LAMA2: variants seen among roughly 807,000 people sequenced by gnomAD.
LAMA2 encodes the protein laminin subunit alpha-2.
LAMA2 carries 269 observed loss-of-function variants against 364.8 expected under a neutral mutation model. The observed-to-expected ratio is 0.74, with a 90% CI of 0.67 to 0.82. The LOEUF is 0.82. LAMA2 is among the 40% of genes least tolerant of loss of function. The pLI, the probability that LAMA2 is intolerant of heterozygous loss-of-function variation, is 0.00. For synonymous variants in LAMA2, 1,379 were observed against 1,370.6 expected (o/e 1.01, Z -0.14); for missense variants, 3,807 against 3,873.2 (o/e 0.98, Z 0.45).
intron 14 of LAMA2, among the ~76,000 whole-genome samples, chr6:129,254,415 C>T (rs889294966): frequency 6.6e-6 from 1 of 152,204 alleles, no homozygotes; most frequent in Admixed American, 6.5e-5. Flanking sequence ...AGGAGGAGGA[C>T]AATTGCTCTG....
At chr6:129,341,385 A>G (rs970303761) in intron 29 of LAMA2, among the ~76,000 whole-genome samples, 26 of 152,288 alleles carry the variant, frequency 1.7e-4, no homozygotes, top group African/African-American at 5.5e-4. Flanking sequence ...GTAAGTCACT[A>G]TTTTGACCAC....
At chr6:129,441,729 T>G (rs577293476) in intron 43 of LAMA2, among the ~76,000 whole-genome samples, 99 of 152,230 alleles carry the variant, frequency 6.5e-4, no homozygotes, top group African/African-American at 2.3e-3. Flanking sequence ...CTGTAATCTT[T>G]GCACTTTGGG....
At chr6:129,166,716 G>C (rs1562292497) in intron 9 of LAMA2, among the ~76,000 whole-genome samples, 1 of 152,070 alleles carries the variant, frequency 6.6e-6, no homozygotes, top group East Asian at 1.9e-4. Flanking sequence ...AAATGGAAAA[G>C]TAGAAAAATA....
intron 41 of LAMA2, among the ~76,000 whole-genome samples, chr6:129,435,044 G>T (rs148297552): frequency 1.3e-5 from 2 of 152,044 alleles, no homozygotes; most frequent in African/African-American, 4.8e-5. Flanking sequence ...TTTGGAACTT[G>T]AGAGGCAGCA....
At chr6:129,255,032 A>T (rs974514522) in intron 14 of LAMA2, among the ~76,000 whole-genome samples, 1 of 146,788 alleles carries the variant, frequency 6.8e-6, no homozygotes, top group Admixed American at 6.6e-5. Context: ...GGTAGAAATG[A>T]TGTATTTTTT....
chr6:129,192,049 G>C (rs1481317304), intron 11 of LAMA2, among the ~76,000 whole-genome samples: 1 of 152,164 alleles, frequency 6.6e-6, no homozygotes, highest in African/African-American at 2.4e-5. Context: ...CAGCACTTCT[G>C]ACCCTATCTG....
At chr6:129,088,803 C>T (rs560083155) in intron 3 of LAMA2, among the ~76,000 whole-genome samples, 1 of 151,516 alleles carries the variant, frequency 6.6e-6, no homozygotes, top group East Asian at 2.0e-4. Flanking sequence ...GATGGCGGTC[C>T]GGAAGAGGCA....
chr6:129,466,561 T>G (rs1441229487), intron 51 of LAMA2, among the ~76,000 whole-genome samples: 1 of 151,962 alleles, frequency 6.6e-6, no homozygotes. Flanking sequence ...ATTGTTCCTG[T>G]GTAAGAGAGG....
intron 12 of LAMA2, among the ~76,000 whole-genome samples, chr6:129,237,699 A>C (rs1254631738): frequency 6.6e-6 from 1 of 152,154 alleles, no homozygotes; most frequent in African/African-American, 2.4e-5. Flanking sequence ...TGAAACTGCT[A>C]TGTCAAAGTA....
intron 45 of LAMA2, among the ~76,000 whole-genome samples, chr6:129,447,521 A>G (rs1782449572): frequency 6.6e-6 from 1 of 152,224 alleles, no homozygotes; most frequent in African/African-American, 2.4e-5. Flanking sequence ...CATAACCAGA[A>G]AGATCAACAG....
intron 22 of LAMA2, among the ~76,000 whole-genome samples, chr6:129,310,318 G>A (rs1162878678): frequency 6.6e-6 from 1 of 152,198 alleles, no homozygotes; most frequent in Non-Finnish European, 1.5e-5. Context: ...ACTACTGTTA[G>A]CAGGAACAGA....
intron 1 of LAMA2, among the ~76,000 whole-genome samples, chr6:128,930,186 G>A (rs761615150): frequency 1.7e-4 from 26 of 152,216 alleles, no homozygotes; most frequent in Non-Finnish European, 3.5e-4. Context: ...CTGCCACAAG[G>A]GAAGTGCCCG....
intron 1 of LAMA2, among the ~76,000 whole-genome samples, chr6:129,027,569 A>G (rs1391312905): frequency 6.6e-6 from 1 of 151,984 alleles, no homozygotes; most frequent in Non-Finnish European, 1.5e-5. Flanking sequence ...GAATCAAACA[A>G]TGATTCTTTT....
chr6:129,259,222 A>G (rs1276008433), intron 14 of LAMA2, among the ~76,000 whole-genome samples: 1 of 152,126 alleles, frequency 6.6e-6, no homozygotes, highest in Non-Finnish European at 1.5e-5. Flanking sequence ...AAAGATCATC[A>G]CTTTTGAAGA....
intron 51 of LAMA2, 106 bp downstream of exon 51, chr6:129,465,395 G>A (rs187794519): frequency 1.2e-5 from 12 of 982,862 alleles, no homozygotes; most frequent in African/African-American, 3.2e-5. Flanking sequence ...AGCTACTCAC[G>A]AGTTCAGTGA....
intron 56 of LAMA2, among the ~76,000 whole-genome samples, chr6:129,487,961 G>A (rs955667665): frequency 2.6e-5 from 4 of 152,162 alleles, no homozygotes; most frequent in Non-Finnish European, 5.9e-5. Flanking sequence ...TAGATTAGAT[G>A]TTAGGCCCTT....
chr6:128,883,909 G>T (rs535008169), intron 1 of LAMA2, among the ~76,000 whole-genome samples: 17 of 149,940 alleles, frequency 1.1e-4, no homozygotes, highest in African/African-American at 3.2e-4. Flanking sequence ...AAGTTATGTG[G>T]TTTTTTTTCT....
intron 58 of LAMA2, among the ~76,000 whole-genome samples, chr6:129,501,742 A>G (rs1034701409): frequency 2.0e-5 from 3 of 152,196 alleles, no homozygotes; most frequent in African/African-American, 7.2e-5. Context: ...ATGTTCTAAG[A>G]GATGTCATAA....
intron 1 of LAMA2, among the ~76,000 whole-genome samples, chr6:128,975,060 G>T (rs964234593): frequency 6.6e-6 from 1 of 152,036 alleles, no homozygotes; most frequent in African/African-American, 2.4e-5. Context: ...CACTGTGTTA[G>T]CCAGGATGGT....
Sources: allele counts gnomAD v4.1 joint callset (sites outside exome capture counted in the v4.1 genomes callset), GRCh38; gene constraint gnomAD v4.1.1; transcripts MANE v1.5; gene names NCBI Gene and HGNC (gene_info 2026-07-23, HGNC 2026-07-21).